PEPD: variants seen among roughly 807,000 people sequenced by gnomAD.
PEPD encodes the protein peptidase D.
In PEPD, 53 loss-of-function variants were observed where a neutral mutation model predicts 60.7. The ratio of observed to expected loss-of-function variants is 0.87; its 90% confidence interval spans 0.70 to 1.10. PEPD has a LOEUF of 1.10. Ranked by LOEUF, PEPD falls within the 50% of genes least tolerant of loss-of-function variation. The probability of loss-of-function intolerance (pLI) is 0.00; values close to 1 mark genes in which losing one functional copy is unlikely to be tolerated. For missense variants in PEPD, 711 were observed against 711.9 expected, an observed-to-expected ratio of 1.00 and a Z score of 0.01; for synonymous variants, 267 against 284.1, an observed-to-expected ratio of 0.94 and a Z score of 0.60.
At chr19:33,460,979 TACA>T (rs1969914888) in intron 9 of PEPD, among the ~76,000 whole-genome samples, 5 of 152,210 alleles carry the variant, frequency 3.3e-5, no homozygotes, top group Admixed American at 3.3e-4. Context: ...AGCAGCCAAG[TACA>T]ACATGTGGAC....
intron 9 of PEPD, among the ~76,000 whole-genome samples, chr19:33,428,184 T>C (rs73927882): frequency 0.13 from 19,784 of 152,198 alleles, 1,500 homozygotes; most frequent in East Asian, 0.28. Context: ...CACTGAAATT[T>C]AGAAAATTCG....
chr19:33,429,515 T>C (rs1217567003), intron 9 of PEPD, among the ~76,000 whole-genome samples: 1 of 152,264 alleles, frequency 6.6e-6, no homozygotes, highest in Non-Finnish European at 1.5e-5. Flanking sequence ...GATACACAGA[T>C]ATCTATTAAA....
intron 13 of PEPD, chr19:33,388,312 C>A: frequency 1.5e-6 from 1 of 670,196 alleles, no homozygotes; most frequent in Non-Finnish European, 2.8e-6. Flanking sequence ...TACCCTAGGG[C>A]TTGCTTGAGA....
chr19:33,417,178 G>A lies in PEPD; in HGVS notation c.672-3535C>T, dbSNP rs554453557. On this transcript the variant is annotated intron_variant, in intron 9 of 14. Coordinates refer to ENST00000244137, the MANE Select transcript of PEPD (RefSeq NM_000285.4). Reference sequence around the variant, plus strand: ...GTGCCTCGAGCATGGGTGGGGTAGCGCCGAAGAGGTTAGTGAGGCAGTGTA... The same window carrying A: ...GTGCCTCGAGCATGGGTGGGGTAGCACCGAAGAGGTTAGTGAGGCAGTGTA... 3.9e-4 allele frequency among the ~76,000 whole-genome samples: 60 copies of A among 152,368 alleles called. 1 individual carries two copies. The South Asian group carries it at 0.012, about 29-fold the overall frequency.
chr19:33,455,344 C>T (rs908565587), intron 9 of PEPD, among the ~76,000 whole-genome samples: 2 of 151,768 alleles, frequency 1.3e-5, no homozygotes, highest in Middle Eastern at 3.2e-3. Flanking sequence ...TAAACACACA[C>T]GTGGAAAAGG....
chr19:33,411,550 G>T, intron 11 of PEPD, 122 bp downstream of exon 11: 1 of 708,656 alleles, frequency 1.4e-6, no homozygotes, highest in Non-Finnish European at 2.6e-6. Flanking sequence ...AAGAAGCCCA[G>T]GGACTTGCTG....
intron 1 of PEPD, among the ~76,000 whole-genome samples, chr19:33,515,999 A>G (rs1283847467): frequency 6.6e-6 from 1 of 152,100 alleles, no homozygotes; most frequent in Non-Finnish European, 1.5e-5. Context: ...CTGCCACTGC[A>G]AAGAAAATCT....
chr19:33,507,596 C>T lies in PEPD; in HGVS notation c.329+3432G>A, dbSNP rs375047870. On this transcript the variant is annotated intron_variant, in intron 3 of 14. Transcript: ENST00000244137. ...ATCTGCCAGATGGATTTTCAAAAAC[C>T]ATCAGATAGGGACTCAAAAGGAAGC... Among the ~76,000 whole-genome samples, 25 of 152,264 alleles carry T rather than the reference C, an allele frequency of 1.6e-4. 1 individual carries two copies. The highest frequency in any genetic ancestry group is 6.0e-4 in the African/African-American group (25 of 41,554).
intron 1 of PEPD, 96 bp from the exon 2 acceptor site, chr19:33,512,872 G>T: frequency 2.9e-6 from 4 of 1,390,728 alleles, no homozygotes; most frequent in Non-Finnish European, 4.1e-6. Flanking sequence ...GCCCGAGCCT[G>T]CCGTGGGACC....
chr19:33,424,818 A>G (rs1485772155), intron 9 of PEPD, among the ~76,000 whole-genome samples: 1 of 152,190 alleles, frequency 6.6e-6, no homozygotes, highest in Non-Finnish European at 1.5e-5. Flanking sequence ...CACATCTTAC[A>G]TGGTGGCAGG....
chr19:33,416,010 C>T (rs9676839), intron 9 of PEPD, among the ~76,000 whole-genome samples: 1,747 of 152,296 alleles, frequency 0.011, 39 homozygotes, highest in African/African-American at 0.04. Context: ...GGGGTGTGGA[C>T]GCACAAGGGC....
At chr19:33,495,947 C>T (rs1970594591) in intron 4 of PEPD, among the ~76,000 whole-genome samples, 2 of 152,072 alleles carry the variant, frequency 1.3e-5, no homozygotes, top group South Asian at 4.1e-4. Flanking sequence ...CGCCACTGCA[C>T]CCCAGCCTGG....
intron 9 of PEPD, among the ~76,000 whole-genome samples, chr19:33,433,979 C>T (rs1357592306): frequency 1.7e-5 from 1 of 57,952 alleles, no homozygotes; most frequent in African/African-American, 7.6e-5. Context: ...ATCTCACAAA[C>T]GTGCCCCGTG....
intron 9 of PEPD, among the ~76,000 whole-genome samples, chr19:33,427,255 G>A (rs746684522): frequency 1.4e-4 from 21 of 152,212 alleles, no homozygotes; most frequent in Non-Finnish European, 2.2e-4. Flanking sequence ...GGAGGCTGTC[G>A]TGGCTCATGG....
rs755525017 is a variant in PEPD at position 33,463,997 on chromosome 19, G to A, written c.614C>T (p.Ala205Val). 58 of 1,608,948 alleles carry A rather than the reference G, an allele frequency of 3.6e-5. No homozygotes were observed. Among genetic ancestry groups the A allele is most frequent in the Non-Finnish European group, 4.8e-5 (57 of 1,176,600 alleles). ...CGGTGCCTGACTTACCTCACGGTGG[G>A]CCTCGCTGGAGATTTTATTGGTATA... ...LRYTNKISSEAHREVMKAVKV... is the reference protein window; with the variant it reads ...LRYTNKISSEVHREVMKAVKV... Residue 205 changes from alanine to valine, a missense_variant, in exon 8 of 15, where the codon GCC (alanine) becomes GTC (valine). Coordinates refer to ENST00000244137, the MANE Select transcript of PEPD (RefSeq NM_000285.4).
intron 9 of PEPD, among the ~76,000 whole-genome samples, chr19:33,461,463 C>T (rs910710124): frequency 6.6e-6 from 1 of 152,198 alleles, no homozygotes; most frequent in African/African-American, 2.4e-5. Context: ...AGGCTCAGGG[C>T]CCCTCCCAGT....
intron 9 of PEPD, among the ~76,000 whole-genome samples, chr19:33,445,852 A>G (rs1375351225): frequency 6.6e-6 from 1 of 152,146 alleles, no homozygotes; most frequent in Non-Finnish European, 1.5e-5. Flanking sequence ...AGAGGACATC[A>G]GACAGGTGTG....
chr19:33,501,703 A>G (rs1250486484), intron 3 of PEPD, among the ~76,000 whole-genome samples: 1 of 151,476 alleles, frequency 6.6e-6, no homozygotes, highest in African/African-American at 2.4e-5. Context: ...TATTATTACT[A>G]TTTTATTTTA....
chr19:33,470,170 C>T (rs1057153033), intron 7 of PEPD, among the ~76,000 whole-genome samples: 1 of 152,170 alleles, frequency 6.6e-6, no homozygotes, highest in Non-Finnish European at 1.5e-5. Flanking sequence ...TCAGGCCCCC[C>T]CATTTCTCTC....
Sources: gnomAD v4.1 joint callset for allele counts (sites outside exome capture counted in the v4.1 genomes callset) on GRCh38, gnomAD v4.1.1 for gene constraint, MANE v1.5 for transcripts, NCBI Gene and HGNC (gene_info 2026-07-23, HGNC 2026-07-21) for gene names.